TUBGCP3: variants seen among roughly 807,000 people sequenced by gnomAD.
TUBGCP3 encodes tubulin gamma complex component 3, also known as gamma-tubulin complex component 3.
Under a neutral mutation model 123.1 loss-of-function variants are expected in TUBGCP3, and 50 were observed. The observed-to-expected ratio is 0.41, with a 90% CI of 0.32 to 0.51. TUBGCP3 has a LOEUF of 0.51. Among genes scored for constraint, TUBGCP3 ranks in the 20% least tolerant of loss-of-function variants. The probability of loss-of-function intolerance (pLI) is 0.36; values close to 1 mark genes in which losing one functional copy is unlikely to be tolerated. For missense variants in TUBGCP3, 882 were observed against 1,127.0 expected (o/e 0.78, Z 3.11); for synonymous variants, 405 against 413.9 (o/e 0.98, Z 0.26).
chr13:112,489,756 T>C (rs1262168795), intron 20 of TUBGCP3, 59 bp from the exon 21 acceptor site: 3 of 1,439,920 alleles, frequency 2.1e-6, no homozygotes, highest in Admixed American at 3.4e-5. Flanking sequence ...GATTACAGAG[T>C]AGGGCTGAAA....
At chr13:112,575,591 C>G (rs1204600901) in intron 1 of TUBGCP3, among the ~76,000 whole-genome samples, 2 of 152,198 alleles carry the variant, frequency 1.3e-5, no homozygotes, top group African/African-American at 4.8e-5. Context: ...ACACCAACAA[C>G]CAACTAAACC....
chr13:112,567,273 T>A (rs2139266718), intron 2 of TUBGCP3, among the ~76,000 whole-genome samples: 1 of 152,354 alleles, frequency 6.6e-6, no homozygotes, highest in African/African-American at 2.4e-5. Context: ...AATCCCAGAT[T>A]CCCTCGAATA....
At chr13:112,591,085 A>G (rs1882873972), upstream of TUBGCP3, among the ~76,000 whole-genome samples, 1 of 152,228 alleles carries the variant, frequency 6.6e-6, no homozygotes. Context: ...CTCAAGGAAC[A>G]CATACTTCAG....
intron 11 of TUBGCP3, among the ~76,000 whole-genome samples, chr13:112,529,263 C>T (rs939727143): frequency 6.6e-6 from 1 of 152,134 alleles, no homozygotes; most frequent in Non-Finnish European, 1.5e-5. Context: ...CTTTACTGGC[C>T]GAGCCGGCCC....
chr13:112,494,082 C>A (rs1344129909), intron 20 of TUBGCP3, among the ~76,000 whole-genome samples: 1 of 150,322 alleles, frequency 6.7e-6, no homozygotes, highest in Non-Finnish European at 1.5e-5. Context: ...GCTATGGGAA[C>A]GGGGCCTGGT....
At chr13:112,534,131 G>A (rs1206072038) in intron 11 of TUBGCP3, among the ~76,000 whole-genome samples, 3 of 152,130 alleles carry the variant, frequency 2.0e-5, no homozygotes, top group Non-Finnish European at 2.9e-5. Context: ...GCAGGTCCCC[G>A]CCCGACTCCG....
intron 1 of TUBGCP3, among the ~76,000 whole-genome samples, chr13:112,584,747 G>A (rs1249046342): frequency 6.6e-6 from 1 of 152,134 alleles, no homozygotes; most frequent in Non-Finnish European, 1.5e-5. Context: ...GTTAGAAAAA[G>A]GATTACAAAG....
At chr13:112,541,973 A>G (rs1054001027) in intron 11 of TUBGCP3, among the ~76,000 whole-genome samples, 2 of 152,218 alleles carry the variant, frequency 1.3e-5, no homozygotes, top group Admixed American at 6.5e-5. Flanking sequence ...TTAAAATATC[A>G]TCTTTTACTT....
chr13:112,493,422 T>G (rs1388830659), intron 20 of TUBGCP3, among the ~76,000 whole-genome samples: 1 of 144,142 alleles, frequency 6.9e-6, no homozygotes, highest in African/African-American at 2.6e-5. Flanking sequence ...CCTGAGACAC[T>G]CTGGCTATGG....
intron 20 of TUBGCP3, among the ~76,000 whole-genome samples, chr13:112,494,922 G>T (rs1880428438): frequency 6.6e-6 from 1 of 152,194 alleles, no homozygotes; most frequent in African/African-American, 2.4e-5. Flanking sequence ...AATTACTAGA[G>T]TTTTTTCCTG....
the TUBGCP3 span, among the ~76,000 whole-genome samples, chr13:112,602,355 C>T: frequency 1.3e-5 from 2 of 152,224 alleles, no homozygotes; most frequent in East Asian, 3.9e-4. Flanking sequence ...GAACAAAGCG[C>T]TTCACCCAGA....
At chr13:112,547,573 AAAGT>A in intron 10 of TUBGCP3, 43 bp downstream of exon 10, 3 of 1,427,304 alleles carry the variant, frequency 2.1e-6, no homozygotes, top group South Asian at 1.5e-5. Flanking sequence ...CGCGCGTGGG[AAAGT>A]CGCGCGTGGG....
At chr13:112,489,444 A>C in intron 21 of TUBGCP3, 137 bp downstream of exon 21, 2 of 709,956 alleles carry the variant, frequency 2.8e-6, no homozygotes, top group South Asian at 1.7e-5. Context: ...AGGGTCCACC[A>C]TGGGTGCTAC....
intron 1 of TUBGCP3, 73 bp from the exon 2 acceptor site, chr13:112,569,332 A>T: frequency 7.2e-7 from 1 of 1,393,602 alleles, no homozygotes; most frequent in Non-Finnish European, 1.0e-6. Flanking sequence ...CTTCCAGTTC[A>T]AGACAGTGAA....
chr13:112,551,143 A>G (rs1879550872), intron 8 of TUBGCP3, among the ~76,000 whole-genome samples: 1 of 152,174 alleles, frequency 6.6e-6, no homozygotes, highest in Admixed American at 6.5e-5. Flanking sequence ...TAATCAAATC[A>G]TTATCCAACG....
chr13:112,581,449 G>T (rs1882267275), intron 1 of TUBGCP3, among the ~76,000 whole-genome samples: 1 of 147,684 alleles, frequency 6.8e-6, no homozygotes, highest in Admixed American at 6.7e-5. Flanking sequence ...CACTATTTAA[G>T]AATTTTTTTT....
At chr13:112,542,851 A>C (rs1374333159) in intron 11 of TUBGCP3, among the ~76,000 whole-genome samples, 1 of 152,186 alleles carries the variant, frequency 6.6e-6, no homozygotes, top group Non-Finnish European at 1.5e-5. Context: ...AAAGGTACAG[A>C]GCTTAAGAGT....
intron 21 of TUBGCP3, among the ~76,000 whole-genome samples, chr13:112,487,047 C>CTGTGTGTGTGTG (rs1417332163): frequency 4.9e-5 from 6 of 121,564 alleles, no homozygotes; most frequent in African/African-American, 2.0e-4. Flanking sequence ...CAGGCAAACA[C>CTGTGTGTGTGTG]TGTGTATGTG....
At chr13:112,598,702 T>C in the TUBGCP3 span, among the ~76,000 whole-genome samples, 22,926 of 152,040 alleles carry the variant, frequency 0.15, 2,019 homozygotes, top group East Asian at 0.21. Context: ...CCGAGCACTT[T>C]GGGAGGCTGA....
Sources: allele counts gnomAD v4.1 joint callset (sites outside exome capture counted in the v4.1 genomes callset), GRCh38; gene constraint gnomAD v4.1.1; transcripts MANE v1.5; gene names NCBI Gene and HGNC (gene_info 2026-07-23, HGNC 2026-07-21).